Variants in ELAVL4 observed in about 807,000 individuals in gnomAD.
ELAVL4 encodes the protein ELAV like RNA binding protein 4.
A neutral mutation model predicts 35.6 loss-of-function variants in ELAVL4; 1 was observed. The observed-to-expected ratio is 0.03, with a 90% CI of 0.01 to 0.13. The LOEUF (loss-of-function observed/expected upper bound fraction) is 0.13, where lower values mean the gene tolerates loss of function less well. Among genes scored for constraint, ELAVL4 ranks in the 10% least tolerant of loss-of-function variants. The pLI is 1.00. For missense variants in ELAVL4, 267 were observed against 464.9 expected (o/e 0.57, Z 3.91); for synonymous variants, 156 against 171.0 (o/e 0.91, Z 0.69).
At chr1:50,195,490 C>T (rs1483513666) in intron 4 of ELAVL4, 71 bp from the exon 5 acceptor site, 2 of 1,533,020 alleles carry the variant, frequency 1.3e-6, no homozygotes, top group African/African-American at 1.4e-5. Flanking sequence ...TCCACAGGAC[C>T]CATCTCTTCC....
At chr1:50,068,912 T>C (rs183046055) in intron 1 of ELAVL4, among the ~76,000 whole-genome samples, 4 of 152,338 alleles carry the variant, frequency 2.6e-5, no homozygotes, top group Admixed American at 2.6e-4. Flanking sequence ...TTATTGACCA[T>C]AGAGCTGTAC....
At chr1:50,075,653 C>G (rs1006977625) in intron 1 of ELAVL4, among the ~76,000 whole-genome samples, 3 of 152,170 alleles carry the variant, frequency 2.0e-5, no homozygotes, top group Non-Finnish European at 2.9e-5. Context: ...CCTATACTTA[C>G]AATGGTTCAA....
chr1:50,129,976 G>C (rs1670588742), intron 1 of ELAVL4, among the ~76,000 whole-genome samples: 1 of 152,122 alleles, frequency 6.6e-6, no homozygotes, highest in Non-Finnish European at 1.5e-5. Flanking sequence ...TTTTTCAAAT[G>C]AGTAAACTTA....
chr1:50,150,765 T>TA (rs1674645413), intron 2 of ELAVL4, among the ~76,000 whole-genome samples: 1 of 152,198 alleles, frequency 6.6e-6, no homozygotes, highest in African/African-American at 2.4e-5. Flanking sequence ...TCCTAAGATA[T>TA]AAAAATTCCT....
At chr1:50,049,086 T>G (rs1021383043) in intron 1 of ELAVL4, among the ~76,000 whole-genome samples, 2 of 152,190 alleles carry the variant, frequency 1.3e-5, no homozygotes, top group African/African-American at 2.4e-5. Context: ...AAATGAGTCA[T>G]ATTGATTCCC....
Position 50,135,595 on chromosome 1 carries a change from T to G in ELAVL4, c.10-9362T>G, listed in dbSNP as rs72907742. 3.1e-3 allele frequency among the ~76,000 whole-genome samples: 473 copies of G among 152,290 alleles called. 1 individual carries two copies. The highest frequency in any genetic ancestry group is 0.011 in the African/African-American group (453 of 41,564). On this transcript the variant is annotated intron_variant, in intron 1 of 6. Transcript: ENST00000371824. ...CTAGAAGAATGCCTTGGCTTATAAT[T>G]GCATTCAATAAACTTGTGTTGAATT...
At chr1:50,077,555 A>G (rs1404650926) in intron 1 of ELAVL4, among the ~76,000 whole-genome samples, 1 of 152,202 alleles carries the variant, frequency 6.6e-6, no homozygotes, top group African/African-American at 2.4e-5. Context: ...TACTGAGCCA[A>G]ATGTTAATCT....
intron 1 of ELAVL4, among the ~76,000 whole-genome samples, chr1:50,061,379 G>C (rs1014159618): frequency 6.6e-6 from 1 of 152,092 alleles, no homozygotes; most frequent in Non-Finnish European, 1.5e-5. Flanking sequence ...ACACATTTAT[G>C]TTTCCTACCT....
At chr1:50,070,475 G>T (rs184374747) in intron 1 of ELAVL4, among the ~76,000 whole-genome samples, 6 of 152,300 alleles carry the variant, frequency 3.9e-5, no homozygotes, top group Middle Eastern at 3.4e-3. Context: ...GGGCGCAGTG[G>T]CTCATGCCTG....
intron 1 of ELAVL4, among the ~76,000 whole-genome samples, chr1:50,055,280 T>G (rs528907025): frequency 6.6e-5 from 10 of 150,622 alleles, no homozygotes; most frequent in Admixed American, 2.6e-4. Flanking sequence ...TTTTGTTTTT[T>G]TTTTGTTTTG....
intron 1 of ELAVL4, among the ~76,000 whole-genome samples, chr1:50,077,983 A>G (rs1430632822): frequency 2.0e-5 from 3 of 152,134 alleles, no homozygotes. Flanking sequence ...CAGCTCTGTC[A>G]CTAGCCTACA....
intron 3 of ELAVL4, among the ~76,000 whole-genome samples, chr1:50,192,922 A>G (rs56119552): frequency 0.017 from 2,613 of 152,240 alleles, 77 homozygotes; most frequent in African/African-American, 0.06. Context: ...ATCTGTTTAC[A>G]CTTCTGTGTT....
chr1:50,170,099 A>G (rs758401381), intron 2 of ELAVL4, among the ~76,000 whole-genome samples: 13 of 152,204 alleles, frequency 8.5e-5, no homozygotes, highest in African/African-American at 3.1e-4. Flanking sequence ...TCTACCTTCA[A>G]GAAGGTTGCG....
chr1:50,049,834 A>G (rs1290842245), intron 1 of ELAVL4, among the ~76,000 whole-genome samples: 1 of 152,200 alleles, frequency 6.6e-6, no homozygotes, highest in Non-Finnish European at 1.5e-5. Flanking sequence ...TTGAAGAACT[A>G]AAGTAATCCT....
chr1:50,178,115 A>C (rs1271229582), intron 3 of ELAVL4, among the ~76,000 whole-genome samples: 1 of 152,168 alleles, frequency 6.6e-6, no homozygotes. Flanking sequence ...CCCTACCTCC[A>C]GGCAGCGTCC....
At chr1:50,195,195 T>A (rs1326937995) in intron 4 of ELAVL4, among the ~76,000 whole-genome samples, 1 of 152,228 alleles carries the variant, frequency 6.6e-6, no homozygotes, top group Non-Finnish European at 1.5e-5. Context: ...GAGTTCACTT[T>A]TCAAATAGAT....
At chr1:50,155,171 C>G (rs1454462192) in intron 2 of ELAVL4, among the ~76,000 whole-genome samples, 27 of 106,814 alleles carry the variant, frequency 2.5e-4, no homozygotes, top group South Asian at 1.6e-3. Flanking sequence ...TATCCCTCCC[C>G]CCTCCCCCCA....
At chr1:50,120,060 AATAT>A (rs112021692) in intron 1 of ELAVL4, among the ~76,000 whole-genome samples, 3 of 147,082 alleles carry the variant, frequency 2.0e-5, no homozygotes, top group Non-Finnish European at 4.5e-5. Context: ...AGAATCAACA[AATAT>A]ATATATATAT....
At chr1:50,118,669 A>G (rs1668368995) in intron 1 of ELAVL4, among the ~76,000 whole-genome samples, 1 of 152,048 alleles carries the variant, frequency 6.6e-6, no homozygotes, top group Non-Finnish European at 1.5e-5. Flanking sequence ...AATAGGCACC[A>G]TAAATTAATT....
Sources: gnomAD v4.1 joint callset for allele counts (sites outside exome capture counted in the v4.1 genomes callset) on GRCh38, gnomAD v4.1.1 for gene constraint, MANE v1.5 for transcripts, NCBI Gene and HGNC (gene_info 2026-07-23, HGNC 2026-07-21) for gene names.